ANKRD66: variants seen among roughly 807,000 people sequenced by gnomAD.
ANKRD66 encodes the protein ankyrin repeat domain 66.
ANKRD66 carries 10 observed loss-of-function variants against 10.9 expected under a neutral mutation model. That is an observed-to-expected ratio of 0.91 (90% CI 0.56 to 1.55). The LOEUF is 1.55. ANKRD66 is among the 40% of genes most tolerant of loss of function. The pLI, the probability that ANKRD66 is intolerant of heterozygous loss-of-function variation, is 0.00. For synonymous variants in ANKRD66, 85 were observed against 88.4 expected, an observed-to-expected ratio of 0.96 and a Z score of 0.22; for missense variants, 252 against 242.9, an observed-to-expected ratio of 1.04 and a Z score of -0.25.
intron 2 of ANKRD66, 95 bp from the exon 3 acceptor site, chr6:46,751,842 C>T: frequency 8.0e-7 from 1 of 1,251,618 alleles, no homozygotes; most frequent in South Asian, 1.9e-5. Flanking sequence ...ATGCATGCGG[C>T]AGGAAAGGAA....
At position 46,758,777 on chromosome 6, in the gene ANKRD66, T is replaced by A. The variant is rs1163439714; in HGVS notation, c.447T>A (p.Pro149=). Reference sequence around the variant, plus strand: ...GCGCTGCCCAGCAGAAGGGGCTGCCTCTGGATGAGCGTGATGAAGACTGGG... The same window carrying A: ...GCGCTGCCCAGCAGAAGGGGCTGCCACTGGATGAGCGTGATGAAGACTGGG... ...HRCAAQQKGL[P]LDERDEDWDA... The change falls in exon 5 of 5, where the codon CCT becomes CCA. Residue 149 remains proline, a synonymous_variant. Coordinates refer to ENST00000565422, the MANE Select transcript of ANKRD66 (RefSeq NM_001162435.3). The A allele has an allele frequency of 4.5e-6, 7 of 1,551,218 alleles. No homozygotes were observed. The highest frequency in any genetic ancestry group is 8.7e-7 in the Non-Finnish European group (1 of 1,146,832).
chr6:46,758,647 T>C, intron 4 of ANKRD66, 76 bp from the exon 5 acceptor site: 1 of 1,400,844 alleles, frequency 7.1e-7, no homozygotes, highest in Non-Finnish European at 9.4e-7. Context: ...GTGCAGAACC[T>C]GTGAATAAAG....
chr6:46,755,822 G>A (rs971702425), intron 4 of ANKRD66, among the ~76,000 whole-genome samples: 7 of 152,134 alleles, frequency 4.6e-5, no homozygotes, highest in Admixed American at 2.0e-4. Context: ...AAAAGGAAAA[G>A]CACTTATCCT....
intron 1 of ANKRD66, among the ~76,000 whole-genome samples, chr6:46,749,079 C>G (rs916005719): frequency 6.6e-6 from 1 of 152,244 alleles, no homozygotes; most frequent in Non-Finnish European, 1.5e-5. Flanking sequence ...TGGGATAGCA[C>G]AGTGAGACTC....
At chr6:46,755,847 C>T (rs920297004) in intron 4 of ANKRD66, among the ~76,000 whole-genome samples, 3 of 152,158 alleles carry the variant, frequency 2.0e-5, no homozygotes, top group South Asian at 2.1e-4. Flanking sequence ...GAGTGTCTAA[C>T]ATGTTTTATA....
intron 4 of ANKRD66, chr6:46,757,760 A>G (rs1161853884): frequency 6.6e-6 from 1 of 152,230 alleles, no homozygotes; most frequent in African/African-American, 2.4e-5. Flanking sequence ...TAAACCTCTC[A>G]TTTAGCAAAT....
At position 46,759,030 on chromosome 6, in the gene ANKRD66, G is replaced by C. The variant is rs945355715; in HGVS notation, c.*109G>C. 7 of 1,140,882 alleles carry C rather than the reference G, an allele frequency of 6.1e-6. No individual in the cohort carries two copies. The highest frequency in any genetic ancestry group is 3.1e-5 in the African/African-American group (2 of 63,494). The allele number at this position is 1,140,882 out of a possible 1,614,324, so 70.7% of individuals were successfully genotyped here. A position where few individuals can be genotyped will look rare whatever the true frequency, so the allele number is the denominator to read the frequency against. On this transcript the variant is annotated 3_prime_UTR_variant, in exon 5 of 5. Transcript: ENST00000565422. ...TTACTCATAGACCCTTACCCACCTG[G>C]CTTCTGCCCATGGACCTGTCATTAG...
intron 4 of ANKRD66, chr6:46,757,094 G>C (rs571409742): frequency 6.8e-4 from 104 of 152,210 alleles, no homozygotes; most frequent in African/African-American, 2.3e-3. Flanking sequence ...AGACAGTGTT[G>C]AGCCAGCAAA....
At position 46,758,964 on chromosome 6, in the gene ANKRD66, C is replaced by T; in HGVS notation, c.*43C>T. The T allele has an allele frequency of 6.7e-7, 1 of 1,497,052 alleles. No individual in the cohort carries two copies. The highest frequency in any genetic ancestry group is 9.0e-7 in the Non-Finnish European group (1 of 1,116,760). 92.7% of individuals were successfully genotyped at this position (1,497,052 alleles called of 1,614,324 possible). ...TTCTGGCAAGGAACTTTCCCTGGTG[C>T]CAGAAATGAGGCTGTTAGGCATGGT... On this transcript the variant is annotated 3_prime_UTR_variant, in exon 5 of 5. Coordinates refer to ENST00000565422, the MANE Select transcript of ANKRD66 (RefSeq NM_001162435.3).
chr6:46,749,748 T>C (rs1766228169), intron 1 of ANKRD66, 148 bp from the exon 2 acceptor site: 2 of 824,330 alleles, frequency 2.4e-6, no homozygotes, highest in Admixed American at 6.4e-5. Flanking sequence ...AATATGTCTC[T>C]GACCCATCGC....
rs760395398 is a variant in ANKRD66 at position 46,758,724 on chromosome 6, G to T, written c.394G>T (p.Ala132Ser). The change falls in exon 5 of 5, where the codon GCA becomes TCA. Residue 132 changes from alanine to serine, a missense_variant and splice_region_variant. By Grantham distance (99) the Ala-to-Ser change is moderately conservative (BLOSUM62 1). Transcript: ENST00000565422. ...QKACVAFLEK[A>S]EPECQDHRCA... ...AGAAGGCTCTCTCTTCTTTCCTAGG[G>T]CAGAGCCCGAGTGCCAGGACCACCG... 1.5e-5 allele frequency: 23 copies of T among 1,546,132 alleles called. No homozygotes were observed. In the South Asian group the frequency reaches 2.7e-4, roughly 18 times the overall value.
chr6:46,759,392 C>G lies in ANKRD66; in HGVS notation c.*471C>G, dbSNP rs544282873. On this transcript the variant is annotated 3_prime_UTR_variant, in exon 5 of 5. Transcript: ENST00000565422. ...GAGATGCAAAATACACATTAGATTT[C>G]AAACACTTAGTACAAAAATATAAAA... 1 of 152,496 alleles carries G rather than the reference C, an allele frequency of 6.6e-6. No homozygotes were observed. The highest frequency in any genetic ancestry group is 2.1e-4 in the South Asian group (1 of 4,824). 9.4% of individuals were successfully genotyped at this position (152,496 alleles called of 1,614,324 possible). A position where few individuals can be genotyped will look rare whatever the true frequency, so the allele number is the denominator to read the frequency against.
intron 4 of ANKRD66, among the ~76,000 whole-genome samples, chr6:46,754,375 C>T (rs577256148): frequency 3.5e-4 from 54 of 152,226 alleles, no homozygotes; most frequent in Non-Finnish European, 6.0e-4. Flanking sequence ...CAGTGCCCTC[C>T]TATCTTTTAA....
chr6:46,747,380 G>A (rs1016314087), intron 1 of ANKRD66, among the ~76,000 whole-genome samples: 1 of 152,188 alleles, frequency 6.6e-6, no homozygotes, highest in Admixed American at 6.5e-5. Flanking sequence ...TTTTGGAGTT[G>A]TGAAAGCATC....
At chr6:46,750,623 T>A (rs1394613227) in intron 2 of ANKRD66, among the ~76,000 whole-genome samples, 2 of 148,994 alleles carry the variant, frequency 1.3e-5, no homozygotes, top group Admixed American at 6.7e-5. Context: ...TACATACACA[T>A]ATACATACAC....
intron 1 of ANKRD66, among the ~76,000 whole-genome samples, chr6:46,749,088 T>G (rs1766207005): frequency 2.0e-5 from 3 of 152,210 alleles, no homozygotes; most frequent in African/African-American, 4.8e-5. Context: ...ACAGTGAGAC[T>G]CCCAGAGCAA....
chr6:46,755,961 A>T (rs993044887), intron 4 of ANKRD66: 3 of 269,730 alleles, frequency 1.1e-5, no homozygotes, highest in African/African-American at 6.9e-5. Context: ...TAAAGTGTAC[A>T]GTTCATCAGT....
Position 46,755,892 on chromosome 6 carries a change from A to G in ANKRD66, c.392+1942A>G, listed in dbSNP as rs1040533267. Among the ~76,000 whole-genome samples, 4 of 152,182 alleles carry G rather than the reference A, an allele frequency of 2.6e-5. No homozygotes were observed. In the East Asian group the frequency reaches 7.7e-4, roughly 29 times the overall value. ...TGTGTAAAAAATATAATTTTTGAAT[A>G]GTTTTCTGTATTTTTATTGTGATGA... On this transcript the variant is annotated intron_variant, in intron 4 of 4. Coordinates refer to ENST00000565422, the MANE Select transcript of ANKRD66 (RefSeq NM_001162435.3).
chr6:46,754,041 G>A, intron 4 of ANKRD66, 91 bp downstream of exon 4: 2 of 1,142,008 alleles, frequency 1.8e-6, no homozygotes, highest in Non-Finnish European at 2.4e-6. Flanking sequence ...TCAGGTCAAT[G>A]AAAATGAAAT....
Sources: gnomAD v4.1 joint callset for allele counts (sites outside exome capture counted in the v4.1 genomes callset) on GRCh38, gnomAD v4.1.1 for gene constraint, MANE v1.5 for transcripts, NCBI Gene and HGNC (gene_info 2026-07-23, HGNC 2026-07-21) for gene names.